Variants in MCU observed in about 807,000 individuals in gnomAD.
MCU encodes calcium uniporter protein, mitochondrial.
Under a neutral mutation model 45.2 loss-of-function variants are expected in MCU, and 12 were observed. The observed-to-expected ratio is 0.27, with a 90% CI of 0.17 to 0.43. The LOEUF is 0.43. MCU is among the 20% of genes least tolerant of loss of function. The pLI, the probability that MCU is intolerant of heterozygous loss-of-function variation, is 1.00. For synonymous variants in MCU, 160 were observed against 165.1 expected, an observed-to-expected ratio of 0.97 and a Z score of 0.24; for missense variants, 324 against 436.7, an observed-to-expected ratio of 0.74 and a Z score of 2.30.
chr10:72,797,826 A>T (rs1280062254), intron 1 of MCU, among the ~76,000 whole-genome samples: 1 of 151,896 alleles, frequency 6.6e-6, no homozygotes, highest in East Asian at 1.9e-4. Context: ...CCCAGCCCAT[A>T]ATGTACTTTT....
chr10:72,801,318 A>G (rs1301086380), intron 1 of MCU, among the ~76,000 whole-genome samples: 3 of 150,744 alleles, frequency 2.0e-5, no homozygotes, highest in Non-Finnish European at 2.9e-5. Flanking sequence ...CATTGATTAC[A>G]TAATTTCCTA....
At chr10:72,860,853 C>T (rs1845365347) in intron 4 of MCU, among the ~76,000 whole-genome samples, 1 of 152,134 alleles carries the variant, frequency 6.6e-6, no homozygotes, top group African/African-American at 2.4e-5. Context: ...ACTTTAATAA[C>T]ATTGCAGGGG....
chr10:72,777,858 A>G (rs1253345077), intron 1 of MCU, among the ~76,000 whole-genome samples: 1 of 152,218 alleles, frequency 6.6e-6, no homozygotes, highest in Non-Finnish European at 1.5e-5. Flanking sequence ...CAAATAATCT[A>G]TACAGTGGGC....
chr10:72,840,044 G>A (rs1845025519), intron 2 of MCU, among the ~76,000 whole-genome samples: 1 of 151,436 alleles, frequency 6.6e-6, no homozygotes, highest in African/African-American at 2.4e-5. Flanking sequence ...ATTCTTCTTG[G>A]ATAGATACTT....
chr10:72,716,895 GA>G, intron 1 of MCU, among the ~76,000 whole-genome samples: 1 of 152,150 alleles, frequency 6.6e-6, no homozygotes, highest in South Asian at 2.1e-4. Flanking sequence ...AGGACTTCCA[GA>G]TTCATGGAAG....
intron 1 of MCU, among the ~76,000 whole-genome samples, chr10:72,751,338 CTTCTTTTTTTTTTTTTTTTTT>C (rs1564546675): frequency 1.8e-5 from 1 of 55,400 alleles, no homozygotes; most frequent in Non-Finnish European, 3.9e-5. Context: ...TCTTCTTCTT[CTTCTTTTTTTTTTTTTTTTTT>C]TTTTTTTTTT....
intron 2 of MCU, among the ~76,000 whole-genome samples, chr10:72,848,234 C>G (rs1156987556): frequency 6.6e-6 from 1 of 152,156 alleles, no homozygotes; most frequent in East Asian, 1.9e-4. Flanking sequence ...CAAGAGGCAT[C>G]TATACTATCT....
intron 1 of MCU, among the ~76,000 whole-genome samples, chr10:72,729,975 TC>T (rs1158418875): frequency 9.3e-6 from 1 of 107,216 alleles, no homozygotes. Flanking sequence ...TTTTTTTTTT[TC>T]GAGACAGTGT....
intron 1 of MCU, among the ~76,000 whole-genome samples, chr10:72,812,271 G>A (rs1844555903): frequency 6.6e-6 from 1 of 151,868 alleles, no homozygotes; most frequent in African/African-American, 2.4e-5. Context: ...TCAGCCTCCC[G>A]AGTAGCTGGG....
intron 1 of MCU, among the ~76,000 whole-genome samples, chr10:72,811,809 G>GT (rs1844547560): frequency 6.6e-6 from 1 of 152,078 alleles, no homozygotes; most frequent in Admixed American, 6.6e-5. Context: ...AAGATAACAT[G>GT]TTTTGAAAAG....
rs377332537 is a variant in MCU at position 72,834,771 on chromosome 10, C to T, written c.220+343C>T. ...CTGCCTCCTGGATTCAAGCAATTCT[C>T]CTGCCTCAGCCTCCCAAGCAGCTGG... On this transcript the variant is annotated intron_variant, in intron 2 of 7. Coordinates refer to ENST00000373053, the MANE Select transcript of MCU (RefSeq NM_138357.3). Among the ~76,000 whole-genome samples, 160 of 152,254 alleles carry T rather than the reference C, an allele frequency of 1.1e-3. 2 individuals are homozygous for T. The South Asian group carries it at 0.013, about 13-fold the overall frequency.
intron 1 of MCU, among the ~76,000 whole-genome samples, chr10:72,726,256 CGTGTGTGTGTGT>C (rs60826955): frequency 6.9e-6 from 1 of 145,586 alleles, no homozygotes. Flanking sequence ...CACACACACA[CGTGTGTGTGTGT>C]GTGTGTGTGT....
intron 1 of MCU, among the ~76,000 whole-genome samples, chr10:72,808,960 CAG>C (rs1844497124): frequency 6.6e-6 from 1 of 152,292 alleles, no homozygotes; most frequent in East Asian, 1.9e-4. Context: ...GGTGGGGACA[CAG>C]AGCCAAACCG....
At chr10:72,858,535 T>G (rs994654793) in intron 2 of MCU, among the ~76,000 whole-genome samples, 2 of 152,074 alleles carry the variant, frequency 1.3e-5, no homozygotes, top group Non-Finnish European at 2.9e-5. Flanking sequence ...TGCCTAATGG[T>G]GGCTAGCAAG....
chr10:72,851,982 A>C (rs1845213566), intron 2 of MCU, among the ~76,000 whole-genome samples: 1 of 152,092 alleles, frequency 6.6e-6, no homozygotes, highest in Admixed American at 6.6e-5. Flanking sequence ...TCACTTTTAT[A>C]ATTTTTGCAA....
At chr10:72,785,717 C>G (rs912406225) in intron 1 of MCU, among the ~76,000 whole-genome samples, 8 of 152,182 alleles carry the variant, frequency 5.3e-5, no homozygotes, top group African/African-American at 1.9e-4. Context: ...CTTACAAGGG[C>G]TGCAATTTTC....
At chr10:72,705,261 A>G (rs1218295688) in intron 1 of MCU, among the ~76,000 whole-genome samples, 1 of 152,154 alleles carries the variant, frequency 6.6e-6, no homozygotes, top group African/African-American at 2.4e-5. Context: ...ATGCAAAAAA[A>G]TTTTTTTATT....
At chr10:72,786,790 G>A (rs528597137) in intron 1 of MCU, among the ~76,000 whole-genome samples, 217 of 152,138 alleles carry the variant, frequency 1.4e-3, no homozygotes, top group Non-Finnish European at 2.5e-3. Flanking sequence ...GTATTTTGAA[G>A]CACAAAAGCA....
At chr10:72,874,143 T>C (rs1378515669) in intron 6 of MCU, among the ~76,000 whole-genome samples, 2 of 152,202 alleles carry the variant, frequency 1.3e-5, no homozygotes, top group African/African-American at 4.8e-5. Context: ...AAGAGTATAA[T>C]TGGTATTTTG....
Sources: allele counts gnomAD v4.1 joint callset (sites outside exome capture counted in the v4.1 genomes callset), GRCh38; gene constraint gnomAD v4.1.1; transcripts MANE v1.5; gene names NCBI Gene and HGNC (gene_info 2026-07-23, HGNC 2026-07-21).